Variants in NCOA1 observed in about 807,000 individuals in gnomAD.
NCOA1 encodes the protein Hin-2 protein.
NCOA1 carries 35 observed loss-of-function variants against 150.9 expected under a neutral mutation model. The ratio of observed to expected loss-of-function variants is 0.23; its 90% CI spans 0.18 to 0.31. The LOEUF is 0.31. NCOA1 is among the 10% of genes least tolerant of loss of function. The probability of loss-of-function intolerance (pLI) is 1.00; values close to 1 mark genes in which losing one functional copy is unlikely to be tolerated. For missense variants in NCOA1, 1,491 were observed against 1,749.3 expected (o/e 0.85, Z 2.63); for synonymous variants, 590 against 630.0 (o/e 0.94, Z 0.95).
chr2:24,582,568 A>G (rs1218726082), intron 2 of NCOA1, among the ~76,000 whole-genome samples: 2 of 152,226 alleles, frequency 1.3e-5, no homozygotes, highest in Admixed American at 1.3e-4. Context: ...CCCTATCAAA[A>G]TACCAATGAC....
At chr2:24,585,296 T>C (rs1447599175) in intron 3 of NCOA1, among the ~76,000 whole-genome samples, 3 of 152,250 alleles carry the variant, frequency 2.0e-5, no homozygotes, top group Non-Finnish European at 4.4e-5. Flanking sequence ...ATTTTGAATA[T>C]ATTAAGAATA....
intron 1 of NCOA1, among the ~76,000 whole-genome samples, chr2:24,500,858 A>C (rs1055909478): frequency 6.6e-6 from 1 of 152,246 alleles, no homozygotes; most frequent in South Asian, 2.1e-4. Context: ...ACAACAACAA[A>C]AAATTTAATG....
intron 20 of NCOA1, among the ~76,000 whole-genome samples, chr2:24,752,954 G>A (rs1664322267): frequency 6.7e-6 from 1 of 150,320 alleles, no homozygotes; most frequent in South Asian, 2.1e-4. Context: ...ATTTTAATTT[G>A]GTTGTGTCTT....
intron 1 of NCOA1, among the ~76,000 whole-genome samples, chr2:24,556,443 A>G (rs1234286950): frequency 1.3e-5 from 2 of 152,210 alleles, no homozygotes; most frequent in South Asian, 2.1e-4. Flanking sequence ...GAATAATGCT[A>G]CAGTGAACAT....
At chr2:24,565,510 A>G (rs1666460297) in intron 2 of NCOA1, among the ~76,000 whole-genome samples, 1 of 152,248 alleles carries the variant, frequency 6.6e-6, no homozygotes, top group African/African-American at 2.4e-5. Flanking sequence ...AAGACTATGT[A>G]AAGCATAAAT....
At chr2:24,654,538 A>T (rs900900313) in intron 4 of NCOA1, among the ~76,000 whole-genome samples, 1 of 152,168 alleles carries the variant, frequency 6.6e-6, no homozygotes, top group African/African-American at 2.4e-5. Context: ...TAAGATGAGA[A>T]AGATTGTGGA....
At chr2:24,510,994 T>TA (rs1663914017) in intron 1 of NCOA1, among the ~76,000 whole-genome samples, 2 of 152,222 alleles carry the variant, frequency 1.3e-5, no homozygotes, top group South Asian at 4.1e-4. Flanking sequence ...CTGTTAGCAG[T>TA]GTCTCCCCAT....
chr2:24,623,971 T>G (rs890893700), intron 3 of NCOA1, among the ~76,000 whole-genome samples: 3 of 152,180 alleles, frequency 2.0e-5, no homozygotes, highest in African/African-American at 7.2e-5. Context: ...ACAGAGCCCC[T>G]AAGACCTTTT....
rs1040084394 is a variant in NCOA1, at chr2:24,539,164, A to G, written c.-395-25131A>G. 2.4e-4 allele frequency among the ~76,000 whole-genome samples: 37 copies of G among 152,124 alleles called. 1 individual carries two copies. Among genetic ancestry groups the G allele is most frequent in the Admixed American group, 2.2e-3 (33 of 15,274 alleles). On this transcript the variant is annotated intron_variant, in intron 1 of 22. Transcript: ENST00000348332. Reference sequence around the variant, plus strand: ...CCATTTAAGAGATGGGGGTCTCACAAAATTGATGAAGCTGGTCTTGAACTC... The same window carrying G: ...CCATTTAAGAGATGGGGGTCTCACAGAATTGATGAAGCTGGTCTTGAACTC...
chr2:24,671,993 A>T (rs2148517371), intron 6 of NCOA1, among the ~76,000 whole-genome samples: 1 of 152,148 alleles, frequency 6.6e-6, no homozygotes, highest in East Asian at 1.9e-4. Flanking sequence ...TTCAGCACAG[A>T]CACAATTCAT....
At chr2:24,647,188 A>G (rs1670515178) in intron 4 of NCOA1, among the ~76,000 whole-genome samples, 1 of 152,172 alleles carries the variant, frequency 6.6e-6, no homozygotes, top group Non-Finnish European at 1.5e-5. Context: ...ATATTAAGGA[A>G]ATATTTTGAT....
intron 3 of NCOA1, among the ~76,000 whole-genome samples, chr2:24,635,735 G>T (rs1669911467): frequency 6.6e-6 from 1 of 152,072 alleles, no homozygotes; most frequent in Non-Finnish European, 1.5e-5. Context: ...TACAAATGCA[G>T]ATAAACTAGA....
chr2:24,739,627 G>GCT, intron 18 of NCOA1, 94 bp downstream of exon 18: 1 of 870,754 alleles, frequency 1.1e-6, no homozygotes, highest in Non-Finnish European at 1.8e-6. Context: ...TGGTCTGTGA[G>GCT]CTGATCTTTT....
chr2:24,723,432 A>G (rs1674455918), intron 14 of NCOA1, among the ~76,000 whole-genome samples: 1 of 152,250 alleles, frequency 6.6e-6, no homozygotes, highest in Non-Finnish European at 1.5e-5. Flanking sequence ...ATGTGACGGT[A>G]TATCTGAGAT....
At chr2:24,492,518 CTGTG>C (rs149342097) in intron 1 of NCOA1, among the ~76,000 whole-genome samples, 1 of 151,998 alleles carries the variant, frequency 6.6e-6, no homozygotes, top group Non-Finnish European at 1.5e-5. Flanking sequence ...ACAATACAGC[CTGTG>C]TGTGTGTGAC....
At chr2:24,715,148 A>G (rs1173507295) in intron 14 of NCOA1, among the ~76,000 whole-genome samples, 1 of 152,172 alleles carries the variant, frequency 6.6e-6, no homozygotes, top group African/African-American at 2.4e-5. Flanking sequence ...CCAGCAGATT[A>G]CACTATTGTT....
At position 24,707,152 on chromosome 2, in the gene NCOA1, T is replaced by C. The variant is rs746671841; in HGVS notation, c.1682T>C (p.Leu561Pro). Residue 561 changes from leucine to proline, a missense_variant, in exon 13 of 23, where the codon CTC (leucine) becomes CCC (proline). Coordinates refer to ENST00000348332, the MANE Select transcript of NCOA1 (RefSeq NM_003743.5). ...GGCTTCTCTGCCAGTTCTCCAGTCC[T>C]CAGGCAGATGAGCTCACAGAATTCA... ...SVGFSASSPV[L>P]RQMSSQNSPS... The C allele has an allele frequency of 1.9e-6, 3 of 1,614,232 alleles. No homozygotes were observed. In the South Asian group the frequency reaches 3.3e-5, roughly 18 times the overall value.
chr2:24,662,376 A>T (rs754642663), intron 5 of NCOA1, among the ~76,000 whole-genome samples: 1 of 152,172 alleles, frequency 6.6e-6, no homozygotes, highest in Non-Finnish European at 1.5e-5. Flanking sequence ...AATATTTCCA[A>T]TTCAACTCAA....
intron 19 of NCOA1, among the ~76,000 whole-genome samples, chr2:24,748,940 G>A (rs962553483): frequency 1.3e-5 from 2 of 152,038 alleles, no homozygotes; most frequent in Admixed American, 6.6e-5. Flanking sequence ...ACTAAATTAT[G>A]GGCAATCATA....
Sources: gnomAD v4.1 joint callset for allele counts (sites outside exome capture counted in the v4.1 genomes callset) on GRCh38, gnomAD v4.1.1 for gene constraint, MANE v1.5 for transcripts, NCBI Gene and HGNC (gene_info 2026-07-23, HGNC 2026-07-21) for gene names.